The following AVEN variants were observed in gnomAD, a reference collection of about 807,000 sequenced individuals.
AVEN encodes apoptosis and caspase activation inhibitor.
In AVEN, 41 loss-of-function variants were observed where a neutral mutation model predicts 38.1. The ratio of observed to expected loss-of-function variants is 1.08; its 90% confidence interval spans 0.84 to 1.40. AVEN has a LOEUF of 1.40. Among genes scored for constraint, AVEN ranks in the 40% most tolerant of loss-of-function variants. The pLI is 0.00. For missense variants in AVEN, 605 were observed against 438.8 expected, an observed-to-expected ratio of 1.38 and a Z score of -3.38; for synonymous variants, 206 against 171.8, an observed-to-expected ratio of 1.20 and a Z score of -1.56.
At chr15:33,996,742 A>T (rs1896953018) in intron 2 of AVEN, among the ~76,000 whole-genome samples, 1 of 152,206 alleles carries the variant, frequency 6.6e-6, no homozygotes, top group Non-Finnish European at 1.5e-5. Context: ...AACCACAAAG[A>T]TGGGGAGAAA....
At chr15:33,941,539 T>C (rs1367306166) in intron 2 of AVEN, among the ~76,000 whole-genome samples, 1 of 152,204 alleles carries the variant, frequency 6.6e-6, no homozygotes, top group Non-Finnish European at 1.5e-5. Flanking sequence ...ACTTATATCT[T>C]GTCTGGTTGT....
intron 2 of AVEN, among the ~76,000 whole-genome samples, chr15:33,969,379 T>C (rs907075838): frequency 2.6e-5 from 4 of 152,052 alleles, no homozygotes; most frequent in African/African-American, 9.7e-5. Context: ...ATTTGTCTCA[T>C]CTTTGTCTTT....
chr15:33,872,221 T>G (rs775599687), intron 3 of AVEN, among the ~76,000 whole-genome samples: 2 of 152,194 alleles, frequency 1.3e-5, no homozygotes, highest in African/African-American at 2.4e-5. Context: ...CTGCCATCAG[T>G]GTGCACAGGA....
downstream of AVEN, chr15:33,857,684 C>G: frequency 2.0e-6 from 3 of 1,500,224 alleles, no homozygotes; most frequent in African/African-American, 2.8e-5. Flanking sequence ...CTTGCCCGTC[C>G]TCACTCTTCC....
At chr15:33,940,627 C>T (rs765885867) in intron 2 of AVEN, among the ~76,000 whole-genome samples, 1 of 152,042 alleles carries the variant, frequency 6.6e-6, no homozygotes, top group African/African-American at 2.4e-5. Flanking sequence ...CTGCAACCTC[C>T]GCCTCTCGGG....
At chr15:33,861,283 C>T (rs886248845), downstream of AVEN, 26 of 745,488 alleles carry the variant, frequency 3.5e-5, no homozygotes, top group South Asian at 3.6e-4. Flanking sequence ...CAGAAAGGAA[C>T]TTCCAGGAGT....
intron 5 of AVEN, among the ~76,000 whole-genome samples, chr15:34,048,078 G>C (rs1049461683): frequency 6.6e-6 from 1 of 152,180 alleles, no homozygotes; most frequent in Non-Finnish European, 1.5e-5. Context: ...GTTTCACCCT[G>C]TTGCCCAGGC....
intron 2 of AVEN, among the ~76,000 whole-genome samples, chr15:33,944,693 C>A (rs1353324089): frequency 6.6e-6 from 1 of 151,866 alleles, no homozygotes; most frequent in Non-Finnish European, 1.5e-5. Context: ...CCTGTAGTCC[C>A]AGCTACTCGG....
At position 34,034,970 on chromosome 15, in the gene AVEN, G is replaced by A. The variant is rs568190962; in HGVS notation, c.267+3810C>T. ...CTCAGTCTCTAGCTGGCTGACAAGC[G>A]GCTGGTGGCTACTCTGAGCAACAAT... is the stretch of plus-strand genomic sequence containing the variant. On this transcript the variant is annotated intron_variant, in intron 1 of 5. Transcript: ENST00000306730. Among the ~76,000 whole-genome samples, 63 of 152,266 alleles carry A rather than the reference G, an allele frequency of 4.1e-4. 1 individual carries two copies. Among genetic ancestry groups the A allele is most frequent in the Admixed American group, 1.0e-3 (16 of 15,278 alleles).
chr15:33,854,306 A>G, downstream of AVEN: 1 of 1,164,804 alleles, frequency 8.6e-7, no homozygotes, highest in Non-Finnish European at 1.2e-6. Context: ...AACCTGAGAG[A>G]AAAAACTTAC....
intron 1 of AVEN, among the ~76,000 whole-genome samples, chr15:34,024,268 A>G (rs936927560): frequency 5.9e-5 from 9 of 152,188 alleles, no homozygotes; most frequent in Non-Finnish European, 1.3e-4. Context: ...TTATAAATAC[A>G]TAAGACACCA....
chr15:34,006,573 G>C (rs886924025), intron 1 of AVEN, among the ~76,000 whole-genome samples: 1 of 152,186 alleles, frequency 6.6e-6, no homozygotes, highest in Non-Finnish European at 1.5e-5. Context: ...CCTAAGGAAC[G>C]ATTAATGCAG....
chr15:34,052,095 T>C (rs1375928805), intron 5 of AVEN, among the ~76,000 whole-genome samples: 1 of 152,140 alleles, frequency 6.6e-6, no homozygotes, highest in African/African-American at 2.4e-5. Context: ...GCAAAAATCC[T>C]CAATGAAATA....
intron 1 of AVEN, chr15:34,006,972 A>G: frequency 1.5e-6 from 1 of 689,456 alleles, no homozygotes; most frequent in South Asian, 6.6e-5. Flanking sequence ...TGAAAACTAT[A>G]AAGATAAAGG....
chr15:34,019,085 A>G (rs1470887666), intron 1 of AVEN, among the ~76,000 whole-genome samples: 2 of 152,078 alleles, frequency 1.3e-5, no homozygotes, highest in Admixed American at 6.5e-5. Context: ...TCCTTTAGCT[A>G]GACACAGAGT....
rs144007127 is a variant in AVEN at position 33,878,279 on chromosome 15, T to C, written c.446-2284A>G. Among the ~76,000 whole-genome samples, 759 of 152,254 alleles carry C rather than the reference T, an allele frequency of 5.0e-3. 10 individuals are homozygous for C. The highest frequency in any genetic ancestry group is 0.018 in the African/African-American group (732 of 41,536). ...TTGTCTTATTGATTATAAAAATGTA[T>C]TCAAAAGTCTCAATAAATAAAATGG... On this transcript the variant is annotated intron_variant, in intron 2 of 5. Coordinates refer to ENST00000306730, the MANE Select transcript of AVEN (RefSeq NM_020371.3).
At chr15:33,988,718 C>CA (rs879560949) in intron 2 of AVEN, among the ~76,000 whole-genome samples, 1 of 152,136 alleles carries the variant, frequency 6.6e-6, no homozygotes, top group African/African-American at 2.4e-5. Flanking sequence ...AGAATTATCG[C>CA]AAAATTAAAA....
At chr15:34,064,374 A>G in intron 4 of AVEN, 6 of 1,505,578 alleles carry the variant, frequency 4.0e-6, no homozygotes, top group Non-Finnish European at 5.3e-6. Context: ...TCTGAGGATG[A>G]GCAAGCTGAT....
At chr15:33,910,679 T>G (rs769476538) in intron 2 of AVEN, among the ~76,000 whole-genome samples, 36 of 152,298 alleles carry the variant, frequency 2.4e-4, no homozygotes, top group Non-Finnish European at 4.4e-4. Context: ...AGGAGATCTG[T>G]CTAATGGGAC....
Sources: gnomAD v4.1 joint callset for allele counts (sites outside exome capture counted in the v4.1 genomes callset) on GRCh38, gnomAD v4.1.1 for gene constraint, MANE v1.5 for transcripts, NCBI Gene and HGNC (gene_info 2026-07-23, HGNC 2026-07-21) for gene names.